Variants in LRP1B observed in about 807,000 individuals in gnomAD.
LRP1B encodes low-density lipoprotein receptor-related protein 1B.
In LRP1B, 217 loss-of-function variants were observed where a neutral mutation model predicts 556.6. That is an observed-to-expected ratio of 0.39 (90% CI 0.35 to 0.44). The LOEUF (loss-of-function observed/expected upper bound fraction) is 0.44, where lower values mean the gene tolerates loss of function less well. LRP1B is among the 20% of genes least tolerant of loss of function. The pLI is 1.00. For synonymous variants in LRP1B, 2,047 were observed against 1,865.8 expected (o/e 1.10, Z -2.50); for missense variants, 5,053 against 5,620.8 (o/e 0.90, Z 3.23).
intron 53 of LRP1B, among the ~76,000 whole-genome samples, chr2:140,503,409 G>C (rs552413130): frequency 6.6e-6 from 1 of 152,174 alleles, no homozygotes; most frequent in African/African-American, 2.4e-5. Context: ...ATATCTCTTA[G>C]AATGGAAAAT....
intron 2 of LRP1B, among the ~76,000 whole-genome samples, chr2:141,565,147 G>A (rs1283366743): frequency 1.3e-5 from 2 of 152,080 alleles, no homozygotes; most frequent in Non-Finnish European, 2.9e-5. Flanking sequence ...AGTCCATTGT[G>A]TTTCAGAGTT....
In LRP1B at chr2:140,321,900, C is replaced by T. The variant is rs370513675; in HGVS notation, c.12640+63G>A. 2.2e-4 allele frequency: 327 copies of T among 1,479,684 alleles called. No homozygotes were observed. The Middle Eastern group carries it at 4.2e-3, about 19-fold the overall frequency. The allele number at this position is 1,479,684 out of a possible 1,614,324, so 91.7% of individuals were successfully genotyped here. On this transcript the variant is annotated intron_variant, in intron 82 of 90. Transcript: ENST00000389484. ...GAACAGATAATTTCACTCCATTTCA[C>T]GAGGTGTGAAATTTTATGATAAGGA...
intron 84 of LRP1B, among the ~76,000 whole-genome samples, chr2:140,284,748 T>A (rs1683059577): frequency 6.6e-6 from 1 of 150,626 alleles, no homozygotes; most frequent in Non-Finnish European, 1.5e-5. Context: ...AATGTTACAA[T>A]GCAACCAAAA....
intron 72 of LRP1B, among the ~76,000 whole-genome samples, chr2:140,361,026 C>T (rs897053547): frequency 5.9e-5 from 9 of 151,344 alleles, no homozygotes; most frequent in African/African-American, 2.2e-4. Flanking sequence ...ATCGATGTAA[C>T]TACCTTTTCC....
intron 14 of LRP1B, among the ~76,000 whole-genome samples, chr2:141,010,756 C>A (rs1007836142): frequency 2.0e-5 from 3 of 151,720 alleles, no homozygotes; most frequent in African/African-American, 7.3e-5. Context: ...CCTCAGGTAA[C>A]CCACCCACCT....
intron 3 of LRP1B, among the ~76,000 whole-genome samples, chr2:141,406,030 G>A (rs946972820): frequency 6.6e-5 from 10 of 152,094 alleles, no homozygotes; most frequent in African/African-American, 1.9e-4. Context: ...AATAGAGAGC[G>A]AAGAAATAGG....
chr2:140,284,823 C>A (rs1431327338), intron 84 of LRP1B, among the ~76,000 whole-genome samples: 3 of 151,058 alleles, frequency 2.0e-5, no homozygotes, highest in Non-Finnish European at 4.4e-5. Flanking sequence ...ATATTTGTCT[C>A]TCTATACATA....
At chr2:141,247,416 T>C (rs1226434092) in intron 4 of LRP1B, 62 bp from the exon 5 acceptor site, 11 of 1,575,254 alleles carry the variant, frequency 7.0e-6, no homozygotes, top group Non-Finnish European at 8.6e-6. Flanking sequence ...TTTTTCTCCT[T>C]GAAGAAAATA....
At chr2:141,815,448 G>C (rs1390922619) in intron 1 of LRP1B, among the ~76,000 whole-genome samples, 2 of 152,090 alleles carry the variant, frequency 1.3e-5, no homozygotes, top group Middle Eastern at 3.4e-3. Context: ...TCACCAATCA[G>C]TGCTCTGTAG....
intron 27 of LRP1B, among the ~76,000 whole-genome samples, chr2:140,861,322 G>T (rs965972835): frequency 6.6e-6 from 1 of 152,136 alleles, no homozygotes; most frequent in Non-Finnish European, 1.5e-5. Flanking sequence ...CTGGAGAATC[G>T]CTTGAACCTG....
At chr2:140,405,341 C>T (rs893574000) in intron 66 of LRP1B, among the ~76,000 whole-genome samples, 1 of 151,774 alleles carries the variant, frequency 6.6e-6, no homozygotes, top group Non-Finnish European at 1.5e-5. Flanking sequence ...CCAAAGCCAG[C>T]AGAAGAAAAG....
chr2:142,064,067 A>G (rs1047315718), intron 1 of LRP1B, among the ~76,000 whole-genome samples: 2 of 151,696 alleles, frequency 1.3e-5, no homozygotes, highest in East Asian at 1.9e-4. Context: ...TTGAAGAAAA[A>G]TGTTTTCTTT....
intron 41 of LRP1B, among the ~76,000 whole-genome samples, chr2:140,637,703 A>G (rs1574174245): frequency 6.6e-6 from 1 of 152,276 alleles, no homozygotes; most frequent in East Asian, 1.9e-4. Context: ...CAGTCTCATA[A>G]AAAGGAAGGA....
intron 11 of LRP1B, among the ~76,000 whole-genome samples, chr2:141,036,598 G>A (rs991370937): frequency 6.6e-6 from 1 of 152,062 alleles, no homozygotes; most frequent in Non-Finnish European, 1.5e-5. Context: ...AAGCTGCAAA[G>A]ACAAGTTGTC....
intron 7 of LRP1B, among the ~76,000 whole-genome samples, chr2:141,096,629 G>GAGAGA (rs1558858138): frequency 0.025 from 1,501 of 59,712 alleles, 317 homozygotes; most frequent in Middle Eastern, 0.042. Flanking sequence ...GGGGAGAGGG[G>GAGAGA]GAGAGAGAGA....
rs1684385507 is a variant in LRP1B at position 141,254,463 on chromosome 2, C to T, written c.463+59G>A. 8.3e-6 allele frequency: 13 copies of T among 1,560,808 alleles called. No homozygotes were observed. In the East Asian group the frequency reaches 2.7e-4, roughly 33 times the overall value. On this transcript the variant is annotated intron_variant, in intron 4 of 90. Transcript: ENST00000389484. ...GTAGGTGCTCAAAGATGTCTGCTTACATTTCTGTTAACTAAGCCTCTATAA... is the reference window on the plus strand; with the variant it reads ...GTAGGTGCTCAAAGATGTCTGCTTATATTTCTGTTAACTAAGCCTCTATAA...
At chr2:140,641,325 G>A (rs1416309144) in intron 41 of LRP1B, among the ~76,000 whole-genome samples, 1 of 152,104 alleles carries the variant, frequency 6.6e-6, no homozygotes, top group African/African-American at 2.4e-5. Flanking sequence ...CTTACTGTGG[G>A]GAAAGTCTAA....
rs192266547 is a variant in LRP1B, at chr2:140,978,561, G to A, written c.2887+3599C>T. Among the ~76,000 whole-genome samples the A allele has an allele frequency of 2.9e-3, 448 of 152,192 alleles. 2 individuals carry two copies. Among genetic ancestry groups the A allele is most frequent in the Admixed American group, 5.2e-3 (80 of 15,268 alleles). On this transcript the variant is annotated intron_variant, in intron 18 of 90. Transcript: ENST00000389484. ...TGAGTTGAATCTATATTTATTTATA[G>A]TATATTGTCAAATAGGGTGAGTGCT...
chr2:140,787,202 C>T (rs1177032547), intron 32 of LRP1B, among the ~76,000 whole-genome samples: 1 of 152,150 alleles, frequency 6.6e-6, no homozygotes, highest in Non-Finnish European at 1.5e-5. Context: ...TCCTATTTTC[C>T]ACTACCCAGG....
Sources: gnomAD v4.1 joint callset for allele counts (sites outside exome capture counted in the v4.1 genomes callset) on GRCh38, gnomAD v4.1.1 for gene constraint, MANE v1.5 for transcripts, NCBI Gene and HGNC (gene_info 2026-07-23, HGNC 2026-07-21) for gene names.